RIMS1: variants seen among roughly 807,000 people sequenced by gnomAD.
RIMS1 encodes the protein regulating synaptic membrane exocytosis protein 1.
Under a neutral mutation model 214.1 loss-of-function variants are expected in RIMS1, and 83 were observed. That is an observed-to-expected ratio of 0.39 (90% CI 0.32 to 0.47). The LOEUF is 0.47. RIMS1 is among the 20% of genes least tolerant of loss of function. RIMS1 has a pLI of 0.99. For synonymous variants in RIMS1, 793 were observed against 786.8 expected (o/e 1.01, Z -0.13); for missense variants, 2,050 against 2,161.8 (o/e 0.95, Z 1.03).
chr6:72,070,073 T>C (rs1472701108), intron 2 of RIMS1, among the ~76,000 whole-genome samples: 1 of 152,202 alleles, frequency 6.6e-6, no homozygotes, highest in Non-Finnish European at 1.5e-5. Context: ...TTGCATATTA[T>C]TCTCTTATAT....
At chr6:72,003,343 T>C (rs554842096) in intron 2 of RIMS1, among the ~76,000 whole-genome samples, 9 of 152,242 alleles carry the variant, frequency 5.9e-5, no homozygotes, top group Admixed American at 5.2e-4. Context: ...GTATCCGATT[T>C]TAAGTTCCAT....
At position 71,951,478 on chromosome 6, in the gene RIMS1, C is replaced by CT. The variant is rs71731452; in HGVS notation, c.165-17490dup. On this transcript the variant is annotated intron_variant, in intron 1 of 33. Transcript: ENST00000521978. ...GACCATTTTTTCCACTTTTCTTTTT[C>CT]TTTTTTTTTTTTTTTGTGTGTGTGT... Among the ~76,000 whole-genome samples the CT allele has an allele frequency of 6.6e-3, 847 of 128,822 alleles. 1 individual carries two copies. Among genetic ancestry groups the CT allele is most frequent in the Non-Finnish European group, 0.01 (642 of 61,572 alleles). The allele number at this position is 128,822 out of a possible 152,430, so 84.5% of individuals were successfully genotyped here.
In RIMS1 at chr6:71,969,133, C is replaced by T. The variant is rs1171496739; in HGVS notation, c.245+70C>T. 11 of 1,433,292 alleles carry T rather than the reference C, an allele frequency of 7.7e-6. 1 individual carries two copies. The African/African-American group carries it at 8.4e-5, about 11-fold the overall frequency. The allele number at this position is 1,433,292 out of a possible 1,614,324, so 88.8% of individuals were successfully genotyped here. On this transcript the variant is annotated intron_variant, in intron 2 of 33. Transcript: ENST00000521978. ...CACAGATCATGGTTACAGATTTATTCACATTGCATGTGAGAGTAGATACTC... is the reference window on the plus strand; with the variant it reads ...CACAGATCATGGTTACAGATTTATTTACATTGCATGTGAGAGTAGATACTC...
In RIMS1 at chr6:72,233,841, G is replaced by T. The variant is rs2154085722; in HGVS notation, c.1746+1G>T. ...CCGGGAGACATCACCTATTAGTTCG[G>T]TAAGTTTTCTGGAAAGTGTGTTTGG... On this transcript the variant is annotated splice_donor_variant, in intron 7 of 33. Coordinates refer to ENST00000521978, the MANE Select transcript of RIMS1 (RefSeq NM_014989.7). LOFTEE classifies it high-confidence loss of function. 6.4e-7 allele frequency: 1 copy of T among 1,571,046 alleles called. No individual in the cohort carries two copies. The highest frequency in any genetic ancestry group is 8.7e-7 in the Non-Finnish European group (1 of 1,155,172).
At chr6:72,229,362 G>A (rs1371384597) in intron 6 of RIMS1, among the ~76,000 whole-genome samples, 1 of 151,818 alleles carries the variant, frequency 6.6e-6, no homozygotes, top group South Asian at 2.1e-4. Context: ...GATAATTTAT[G>A]TAAATTTTGC....
intron 32 of RIMS1, 32 bp downstream of exon 32, chr6:72,398,382 G>A: frequency 7.5e-7 from 1 of 1,339,154 alleles, no homozygotes; most frequent in East Asian, 2.4e-5. Flanking sequence ...TTTGGTGAAG[G>A]GACTATTTAA....
At chr6:71,891,119 A>C (rs535189575) in intron 1 of RIMS1, among the ~76,000 whole-genome samples, 4 of 146,834 alleles carry the variant, frequency 2.7e-5, no homozygotes, top group African/African-American at 9.9e-5. Context: ...TGATCACAGC[A>C]GAGCCTGGGG....
chr6:72,048,177 A>C (rs2152120640), intron 2 of RIMS1, among the ~76,000 whole-genome samples: 1 of 152,332 alleles, frequency 6.6e-6, no homozygotes. Flanking sequence ...AAAAATCTTC[A>C]TGTGGCAAAT....
chr6:72,003,549 G>A (rs1480055071), intron 2 of RIMS1, among the ~76,000 whole-genome samples: 4 of 151,974 alleles, frequency 2.6e-5, no homozygotes, highest in African/African-American at 9.7e-5. Flanking sequence ...CTAGCAATGG[G>A]TTTCTGGGAA....
chr6:72,198,076 CAT>C (rs1179951773), intron 6 of RIMS1, among the ~76,000 whole-genome samples: 1 of 152,014 alleles, frequency 6.6e-6, no homozygotes, highest in African/African-American at 2.4e-5. Flanking sequence ...ATAGAACAAC[CAT>C]ATAATCCAGT....
chr6:72,020,794 T>A (rs1814404073), intron 2 of RIMS1, among the ~76,000 whole-genome samples: 1 of 152,158 alleles, frequency 6.6e-6, no homozygotes, highest in Admixed American at 6.5e-5. Flanking sequence ...TGGCTTAGAC[T>A]GGATAAAAGA....
At chr6:72,093,504 T>C (rs1279493597) in intron 2 of RIMS1, among the ~76,000 whole-genome samples, 1 of 151,982 alleles carries the variant, frequency 6.6e-6, no homozygotes, top group African/African-American at 2.4e-5. Flanking sequence ...AGATCTCTTT[T>C]TTCTATCCTT....
chr6:71,972,939 G>C (rs926664509), intron 2 of RIMS1, among the ~76,000 whole-genome samples: 1 of 152,094 alleles, frequency 6.6e-6, no homozygotes, highest in South Asian at 2.1e-4. Flanking sequence ...TTTTTGAGAC[G>C]GAGTCTTGCT....
chr6:72,006,575 C>T (rs150293658), intron 2 of RIMS1, among the ~76,000 whole-genome samples: 2,121 of 152,228 alleles, frequency 0.014, 63 homozygotes, highest in African/African-American at 0.049. Flanking sequence ...CCTTTCCTAG[C>T]CAAGGAAAGG....
At position 72,313,608 on chromosome 6, in the gene RIMS1, G is replaced by A. The variant is rs1225215725; in HGVS notation, c.4066G>A (p.Ala1356Thr). Residue 1356 changes from alanine to threonine, a missense_variant, in exon 28 of 34, where the codon GCC (alanine) becomes ACC (threonine). Physicochemically the swap from Ala to Thr is moderately conservative, Grantham distance 58. Transcript: ENST00000521978. ...TTCCGCCATTTCCCGAACCAGCAGT[G>A]CCTCACGCCTCAGCAGCACAAGCTT... ...DVSAISRTSS[A>T]SRLSSTSFMS... 1 of 1,613,662 alleles carries A rather than the reference G, an allele frequency of 6.2e-7. No homozygotes were observed. The highest frequency in any genetic ancestry group is 8.5e-7 in the Non-Finnish European group (1 of 1,179,742).
intron 2 of RIMS1, among the ~76,000 whole-genome samples, chr6:72,032,729 A>G (rs1464732281): frequency 2.6e-5 from 4 of 152,202 alleles, no homozygotes; most frequent in Admixed American, 6.5e-5. Flanking sequence ...GTAAAATTCT[A>G]TGATCTATAT....
At position 72,120,099 on chromosome 6, in the gene RIMS1, T is replaced by C. The variant is rs544005153; in HGVS notation, c.471+20113T>C. 9.9e-5 allele frequency among the ~76,000 whole-genome samples: 15 copies of C among 152,052 alleles called. 1 individual carries two copies. In the South Asian group the frequency reaches 3.1e-3, roughly 32 times the overall value. On this transcript the variant is annotated intron_variant, in intron 4 of 33. Transcript: ENST00000521978. Reference sequence around the variant, plus strand: ...TCCAAGTCTTTACTATTGTGAATAGTGTCCCAATAAACATATGTGTGCATG... The same window carrying C: ...TCCAAGTCTTTACTATTGTGAATAGCGTCCCAATAAACATATGTGTGCATG...
At chr6:72,252,069 G>T (rs919044892) in intron 15 of RIMS1, among the ~76,000 whole-genome samples, 1 of 152,062 alleles carries the variant, frequency 6.6e-6, no homozygotes, top group Non-Finnish European at 1.5e-5. Context: ...ATATTAGAAG[G>T]TATGTTTATT....
chr6:72,009,630 A>G (rs1270737411), intron 2 of RIMS1, among the ~76,000 whole-genome samples: 2 of 148,748 alleles, frequency 1.3e-5, no homozygotes, highest in African/African-American at 2.5e-5. Flanking sequence ...CAATAAAAAA[A>G]TGATAAAGGG....
Sources: gnomAD v4.1 joint callset for allele counts (sites outside exome capture counted in the v4.1 genomes callset) on GRCh38, gnomAD v4.1.1 for gene constraint, MANE v1.5 for transcripts, NCBI Gene and HGNC (gene_info 2026-07-23, HGNC 2026-07-21) for gene names.